The following NBAS variants were observed in gnomAD, a reference collection of about 807,000 sequenced individuals.
NBAS encodes NBAS subunit of NRZ tethering complex, also known as NAG/BC035112 fusion.
NBAS carries 219 observed loss-of-function variants against 302.5 expected under a neutral mutation model. The ratio of observed to expected loss-of-function variants is 0.72; its 90% CI spans 0.65 to 0.81. The LOEUF (loss-of-function observed/expected upper bound fraction) is 0.81. Among genes scored for constraint, NBAS ranks in the 30% least tolerant of loss-of-function variants. The pLI is 0.00. For synonymous variants in NBAS, 1,118 were observed against 1,021.6 expected, an observed-to-expected ratio of 1.09 and a Z score of -1.80; for missense variants, 2,932 against 2,841.6, an observed-to-expected ratio of 1.03 and a Z score of -0.72.
At chr2:15,251,794 G>A (rs1327767165) in intron 44 of NBAS, among the ~76,000 whole-genome samples, 1 of 152,140 alleles carries the variant, frequency 6.6e-6, no homozygotes, top group Non-Finnish European at 1.5e-5. Context: ...TATCAGCAAG[G>A]TCTTTATGAT....
the NBAS span, among the ~76,000 whole-genome samples, chr2:14,998,070 C>A: frequency 6.6e-6 from 1 of 152,204 alleles, no homozygotes; most frequent in East Asian, 1.9e-4. Context: ...ATCTTACCTT[C>A]CAGGTCATGG....
chr2:14,862,819 C>T, the NBAS span, among the ~76,000 whole-genome samples: 16 of 152,160 alleles, frequency 1.1e-4, no homozygotes, highest in Non-Finnish European at 2.1e-4. Flanking sequence ...CAACACAACC[C>T]AATGGCAGCC....
chr2:15,218,221 G>A (rs1287088570), intron 48 of NBAS, among the ~76,000 whole-genome samples: 3 of 152,150 alleles, frequency 2.0e-5, no homozygotes, highest in Non-Finnish European at 2.9e-5. Context: ...CTCCTATTAA[G>A]AGAAAAATAA....
chr2:14,897,613 CTT>C, the NBAS span, among the ~76,000 whole-genome samples: 6 of 141,618 alleles, frequency 4.2e-5, no homozygotes, highest in Middle Eastern at 3.6e-3. Flanking sequence ...CTACATTTGG[CTT>C]TTTTTTTTTT....
downstream of NBAS, among the ~76,000 whole-genome samples, chr2:15,164,538 C>G (rs189031420): frequency 6.6e-6 from 1 of 152,358 alleles, no homozygotes; most frequent in African/African-American, 2.4e-5. Flanking sequence ...GGCTCTCACC[C>G]TGCACTGGCT....
chr2:15,356,109 G>A (rs995558604), intron 33 of NBAS, among the ~76,000 whole-genome samples, 194 bp downstream of exon 33: 2 of 152,162 alleles, frequency 1.3e-5, no homozygotes, highest in South Asian at 4.1e-4. Flanking sequence ...AAAATTTAAT[G>A]TCTGAATCTG....
chr2:14,941,127 T>C, the NBAS span, among the ~76,000 whole-genome samples: 3 of 152,204 alleles, frequency 2.0e-5, no homozygotes, highest in Non-Finnish European at 4.4e-5. Context: ...GTAGTAAGTG[T>C]CTGACAAAAC....
chr2:15,340,207 A>C (rs1432514208), intron 35 of NBAS, among the ~76,000 whole-genome samples: 5 of 152,206 alleles, frequency 3.3e-5, no homozygotes, highest in Non-Finnish European at 7.3e-5. Flanking sequence ...CAAACAGGAC[A>C]CTACTTTATG....
chr2:15,359,439 T>C (rs1486467998), intron 32 of NBAS, among the ~76,000 whole-genome samples: 2 of 152,208 alleles, frequency 1.3e-5, no homozygotes, highest in Non-Finnish European at 2.9e-5. Flanking sequence ...AATAAGTTTA[T>C]AGTTTCACTG....
chr2:15,026,562 T>G, the NBAS span, among the ~76,000 whole-genome samples: 1 of 152,112 alleles, frequency 6.6e-6, no homozygotes, highest in East Asian at 1.9e-4. Flanking sequence ...TGAATCACAT[T>G]TGTTGATTTG....
the NBAS span, among the ~76,000 whole-genome samples, chr2:14,951,493 T>C: frequency 6.6e-6 from 1 of 152,180 alleles, no homozygotes; most frequent in African/African-American, 2.4e-5. Flanking sequence ...GAGTATGGCA[T>C]TGGCACGAGG....
chr2:15,260,857 C>T (rs1331670199), intron 44 of NBAS, among the ~76,000 whole-genome samples: 1 of 152,088 alleles, frequency 6.6e-6, no homozygotes, highest in Non-Finnish European at 1.5e-5. Context: ...TGAAAGCAAA[C>T]AAAAATGTCA....
Position 15,279,840 on chromosome 2 carries a change from G to A in NBAS, c.5139-2739C>T, listed in dbSNP as rs192386306. On this transcript the variant is annotated intron_variant, in intron 42 of 51. Coordinates refer to ENST00000281513, the MANE Select transcript of NBAS (RefSeq NM_015909.4). ...TTTAATAGTTTCCATTCTGAAGAAAGAAGCTGTTATCTTCCCTTTGGAACC... is the reference window on the plus strand; with the variant it reads ...TTTAATAGTTTCCATTCTGAAGAAAAAAGCTGTTATCTTCCCTTTGGAACC... Among the ~76,000 whole-genome samples the A allele has an allele frequency of 6.9e-3, 1,054 of 152,236 alleles. 10 individuals are homozygous for A. The highest frequency in any genetic ancestry group is 0.023 in the African/African-American group (952 of 41,544).
intron 5 of NBAS, among the ~76,000 whole-genome samples, chr2:15,552,451 T>C (rs1664426678): frequency 6.6e-6 from 1 of 152,178 alleles, no homozygotes. Flanking sequence ...GCCCACTCCA[T>C]GTGAAGATGA....
At chr2:15,443,720 T>C (rs1242103411) in intron 21 of NBAS, among the ~76,000 whole-genome samples, 1 of 150,830 alleles carries the variant, frequency 6.6e-6, no homozygotes, top group Non-Finnish European at 1.5e-5. Flanking sequence ...ATTGTCCCTG[T>C]TTGCAGACGA....
chr2:15,363,875 G>C (rs1674061845), intron 32 of NBAS, among the ~76,000 whole-genome samples: 1 of 152,216 alleles, frequency 6.6e-6, no homozygotes, highest in Non-Finnish European at 1.5e-5. Context: ...AAGTGGAAGT[G>C]ATGGTGTGTG....
chr2:14,916,523 T>A, the NBAS span, among the ~76,000 whole-genome samples: 4 of 152,208 alleles, frequency 2.6e-5, no homozygotes, highest in Non-Finnish European at 5.9e-5. Flanking sequence ...CTAAGTTATA[T>A]CCCGCTGACA....
chr2:14,848,349 C>A, the NBAS span, among the ~76,000 whole-genome samples: 3 of 141,422 alleles, frequency 2.1e-5, no homozygotes, highest in Non-Finnish European at 4.5e-5. Flanking sequence ...CACTCCCACC[C>A]GAATATTGCG....
At chr2:15,412,384 C>T (rs1676724669) in intron 25 of NBAS, among the ~76,000 whole-genome samples, 1 of 152,102 alleles carries the variant, frequency 6.6e-6, no homozygotes, top group South Asian at 2.1e-4. Context: ...CTTCCTGAGT[C>T]CCCAAATGAA....
Sources: allele counts gnomAD v4.1 joint callset (sites outside exome capture counted in the v4.1 genomes callset), GRCh38; gene constraint gnomAD v4.1.1; transcripts MANE v1.5; gene names NCBI Gene and HGNC (gene_info 2026-07-23, HGNC 2026-07-21).